The following ADGRD1 variants were observed in gnomAD, a reference collection of about 807,000 sequenced individuals.
ADGRD1 encodes the protein adhesion G protein-coupled receptor D1.
Under a neutral mutation model 113.4 loss-of-function variants are expected in ADGRD1, and 77 were observed. That is an observed-to-expected ratio of 0.68 (90% CI 0.57 to 0.82). The LOEUF (loss-of-function observed/expected upper bound fraction) is 0.82, where lower values mean the gene tolerates loss of function less well. Among genes scored for constraint, ADGRD1 ranks in the 40% least tolerant of loss-of-function variants. ADGRD1 has a pLI of 0.00. For missense variants in ADGRD1, 1,036 were observed against 1,139.1 expected, an observed-to-expected ratio of 0.91 and a Z score of 1.30; for synonymous variants, 474 against 475.0, an observed-to-expected ratio of 1.00 and a Z score of 0.03.
chr12:131,119,642 G>A lies in ADGRD1; in HGVS notation c.2108+1191G>A, dbSNP rs763714920. On this transcript the variant is annotated intron_variant, in intron 19 of 24. Coordinates refer to ENST00000261654, the MANE Select transcript of ADGRD1 (RefSeq NM_198827.5). Reference sequence around the variant, plus strand: ...ATAGAGTATCTACCAGAAGCCCCTCGTCGACTTAAAATTCTGCATGAAGTG... The same window carrying A: ...ATAGAGTATCTACCAGAAGCCCCTCATCGACTTAAAATTCTGCATGAAGTG... 1.2e-3 allele frequency among the ~76,000 whole-genome samples: 178 copies of A among 152,308 alleles called. 2 individuals are homozygous for A. Among genetic ancestry groups the A allele is most frequent in the Non-Finnish European group, 1.5e-3 (102 of 68,036 alleles).
chr12:130,980,694 G>T (rs1045308784), intron 4 of ADGRD1: 3 of 152,230 alleles, frequency 2.0e-5, no homozygotes, highest in Non-Finnish European at 2.9e-5. Flanking sequence ...CACCGCGCCC[G>T]GCCTGCAGTT....
At chr12:131,044,059 G>T (rs1882419623) in intron 13 of ADGRD1, among the ~76,000 whole-genome samples, 1 of 152,184 alleles carries the variant, frequency 6.6e-6, no homozygotes, top group South Asian at 2.1e-4. Context: ...CACCGTGTAG[G>T]AACTCCATCA....
chr12:131,125,999 A>C (rs1224217677), intron 20 of ADGRD1, among the ~76,000 whole-genome samples: 3 of 152,214 alleles, frequency 2.0e-5, no homozygotes. Context: ...TATTACTCGA[A>C]CCTTCCTAAG....
At chr12:131,012,822 A>G (rs1443694849) in intron 12 of ADGRD1, among the ~76,000 whole-genome samples, 1 of 152,156 alleles carries the variant, frequency 6.6e-6, no homozygotes, top group Non-Finnish European at 1.5e-5. Context: ...TCAGTCAGTC[A>G]GCGCTTTGGA....
chr12:131,055,270 G>A (rs1288839734), intron 13 of ADGRD1, among the ~76,000 whole-genome samples: 1 of 152,098 alleles, frequency 6.6e-6, no homozygotes, highest in East Asian at 1.9e-4. Flanking sequence ...TGAGTGACAG[G>A]GTGCCCACGG....
intron 15 of ADGRD1, among the ~76,000 whole-genome samples, chr12:131,100,041 T>G (rs1950034004): frequency 6.6e-6 from 1 of 152,144 alleles, no homozygotes; most frequent in Non-Finnish European, 1.5e-5. Flanking sequence ...AGGGTAGGAT[T>G]GGCTGAAGAT....
rs1057119584 is a variant in ADGRD1, at chr12:131,139,268, G to C, written c.*5G>C. 2 of 1,606,176 alleles carry C rather than the reference G, an allele frequency of 1.2e-6. No individual in the cohort carries two copies. The highest frequency in any genetic ancestry group is 1.7e-6 in the Non-Finnish European group (2 of 1,175,240). On this transcript the variant is annotated 3_prime_UTR_variant, in exon 25 of 25. Coordinates refer to ENST00000261654, the MANE Select transcript of ADGRD1 (RefSeq NM_198827.5). ...GTCGACCTGTCAGCCGTGTGAGCCG[G>C]GAGGCTGCCAACCAGGCCAGGCTGC...
In ADGRD1 at chr12:130,971,827, C is replaced by A. The variant is rs1324699163; in HGVS notation, c.310+247C>A. ...GAGATGTGAGATCAAAATACTTAAT[C>A]TTGTAAAGGATGAAAAAAAACCTTC... On this transcript the variant is annotated intron_variant, in intron 4 of 24. Coordinates refer to ENST00000261654, the MANE Select transcript of ADGRD1 (RefSeq NM_198827.5). This position sits in a 1 kb window ranked among gnomAD's most constrained non-coding sequence, Gnocchi z 4.2. Among the ~76,000 whole-genome samples the A allele has an allele frequency of 6.6e-6, 1 of 152,136 alleles. No homozygotes were observed. Among genetic ancestry groups the A allele is most frequent in the African/African-American group, 2.4e-5 (1 of 41,424 alleles).
At chr12:131,119,445 A>G in intron 19 of ADGRD1, among the ~76,000 whole-genome samples, 1 of 152,234 alleles carries the variant, frequency 6.6e-6, no homozygotes, top group Non-Finnish European at 1.5e-5. Context: ...GTTCTCCTCA[A>G]ACACAGCTCA....
rs1346418219 is a variant in ADGRD1 at position 130,965,337 on chromosome 12, A to G, written c.104-1126A>G. Reference sequence around the variant, plus strand: ...GTTTTCCACTTTGGTTATCAGGCATACATCATTTGAAAATAATGATCTTAT... The same window carrying G: ...GTTTTCCACTTTGGTTATCAGGCATGCATCATTTGAAAATAATGATCTTAT... On this transcript the variant is annotated intron_variant, in intron 2 of 24. Coordinates refer to ENST00000261654, the MANE Select transcript of ADGRD1 (RefSeq NM_198827.5). The surrounding 1 kb of genome is among the most constrained non-coding windows in gnomAD (Gnocchi z 4.8). Among the ~76,000 whole-genome samples, 1 of 152,194 alleles carries G rather than the reference A, an allele frequency of 6.6e-6. No individual in the cohort carries two copies. Among genetic ancestry groups the G allele is most frequent in the East Asian group, 1.9e-4 (1 of 5,204 alleles).
chr12:131,136,371 C>T (rs73149935), intron 22 of ADGRD1, among the ~76,000 whole-genome samples: 13,017 of 152,310 alleles, frequency 0.085, 532 homozygotes, highest in Middle Eastern at 0.14. Context: ...GCTGCCTATG[C>T]TTCTGGCCAG....
At chr12:131,139,128 G>A (rs1364823354) in intron 24 of ADGRD1, 40 bp from the exon 25 acceptor site, 7 of 1,500,658 alleles carry the variant, frequency 4.7e-6, no homozygotes, top group Non-Finnish European at 6.5e-6. Flanking sequence ...TCTCCCCCTG[G>A]GAGCAGGCCC....
At chr12:130,958,746 C>T (rs1038984803) in intron 2 of ADGRD1, among the ~76,000 whole-genome samples, 4 of 152,258 alleles carry the variant, frequency 2.6e-5, no homozygotes, top group African/African-American at 9.6e-5. Flanking sequence ...CAGAAACAAC[C>T]TGTTTCCATC....
intron 24 of ADGRD1, 104 bp downstream of exon 24, chr12:131,138,333 C>A: frequency 2.2e-6 from 2 of 900,308 alleles, no homozygotes; most frequent in Non-Finnish European, 3.5e-6. Context: ...GCTTCGGGTG[C>A]CCAGCAGTCT....
At chr12:130,960,661 T>TCA (rs56278834) in intron 2 of ADGRD1, among the ~76,000 whole-genome samples, 2 of 151,684 alleles carry the variant, frequency 1.3e-5, no homozygotes, top group African/African-American at 4.8e-5. Context: ...AATCTCTCTC[T>TCA]CACACACACA....
rs1051350493 is a variant in ADGRD1, at chr12:130,984,895, TTC to T, written c.491-2187_491-2186del. On this transcript the variant is annotated intron_variant, in intron 5 of 24. Transcript: ENST00000261654. The surrounding 1 kb of genome is among the most constrained non-coding windows in gnomAD (Gnocchi z 4.1). Reference sequence around the variant, plus strand: ...CTTCTTTCCTTCCTTCTTTCTTCTCTTCTCTCTCTCTCTCACTCTCTCTCTCC... The same window carrying T: ...CTTCTTTCCTTCCTTCTTTCTTCTCTTCTCTCTCTCTCACTCTCTCTCTCC... 6.1e-5 allele frequency among the ~76,000 whole-genome samples: 9 copies of T among 147,390 alleles called. No individual in the cohort carries two copies. The highest frequency in any genetic ancestry group is 2.1e-4 in the East Asian group (1 of 4,836).
At chr12:131,108,914 A>G (rs1950292946) in intron 18 of ADGRD1, 37 bp downstream of exon 18, 7 of 634,870 alleles carry the variant, frequency 1.1e-5, no homozygotes, top group South Asian at 1.9e-5. Flanking sequence ...GCGGGGCGGG[A>G]GGGACAGGAA....
intron 13 of ADGRD1, chr12:131,070,940 G>C: frequency 1.9e-6 from 1 of 519,038 alleles, no homozygotes; most frequent in Non-Finnish European, 3.8e-6. Flanking sequence ...GTCAGAGTGG[G>C]CCTGAGAAGG....
At chr12:130,975,866 G>GTGTGAA (rs1872244661) in intron 4 of ADGRD1, among the ~76,000 whole-genome samples, 1 of 152,168 alleles carries the variant, frequency 6.6e-6, no homozygotes, top group African/African-American at 2.4e-5. Flanking sequence ...ATTGCTTCTA[G>GTGTGAA]TTCCAGCTCT....
Sources: gnomAD v4.1 joint callset for allele counts (sites outside exome capture counted in the v4.1 genomes callset) on GRCh38, gnomAD v4.1.1 for gene constraint, Gnocchi (gnomAD v3.1) non-coding constraint, MANE v1.5 for transcripts, NCBI Gene and HGNC (gene_info 2026-07-23, HGNC 2026-07-21) for gene names.